TBPL2: variants seen among roughly 807,000 people sequenced by gnomAD.
The protein encoded by TBPL2 is TATA-box binding protein like 2, also known as TATA box-binding protein-like 2.
TBPL2 carries 40 observed loss-of-function variants against 38.2 expected under a neutral mutation model. The observed-to-expected ratio is 1.05, with a 90% CI of 0.81 to 1.36. TBPL2 has a LOEUF of 1.36. Ranked by LOEUF, TBPL2 falls within the 40% of genes most tolerant of loss-of-function variation. TBPL2 has a pLI of 0.00. For missense variants in TBPL2, 461 were observed against 456.7 expected (o/e 1.01, Z -0.09); for synonymous variants, 169 against 171.7 (o/e 0.98, Z 0.12).
chr14:55,427,601 A>T (rs1322547017), intron 5 of TBPL2, among the ~76,000 whole-genome samples: 1 of 152,138 alleles, frequency 6.6e-6, no homozygotes, highest in Non-Finnish European at 1.5e-5. Flanking sequence ...AACCCAGGCC[A>T]AGTGCCCTAG....
chr14:55,414,576 T>A, intron 6 of TBPL2, 121 bp from the exon 7 acceptor site: 2 of 656,480 alleles, frequency 3.0e-6, no homozygotes, highest in Non-Finnish European at 4.8e-6. Flanking sequence ...TAGCTGTACC[T>A]GAGAAATGGC....
At chr14:55,428,844 G>C (rs749166761) in exon 5 of TBPL2, 1 of 1,614,106 alleles carries the variant, frequency 6.2e-7, no homozygotes, top group Non-Finnish European at 8.5e-7. Flanking sequence ...AAACCTTCCA[G>C]CCTGATGGGA....
At chr14:55,422,500 C>T (rs1001826625) in intron 6 of TBPL2, among the ~76,000 whole-genome samples, 1 of 152,164 alleles carries the variant, frequency 6.6e-6, no homozygotes, top group Non-Finnish European at 1.5e-5. Context: ...TCGCCTGCCT[C>T]GGCCTCCCGA....
chr14:55,440,058 C>T (rs1219172297), intron 1 of TBPL2, among the ~76,000 whole-genome samples: 1 of 151,988 alleles, frequency 6.6e-6, no homozygotes, highest in Non-Finnish European at 1.5e-5. Context: ...TGAGATCGCG[C>T]CACTGCACTC....
chr14:55,433,467 T>C (rs567470940), intron 4 of TBPL2, among the ~76,000 whole-genome samples, 163 bp downstream of exon 4: 1 of 152,274 alleles, frequency 6.6e-6, no homozygotes, highest in South Asian at 2.1e-4. Flanking sequence ...TCAGTATTTA[T>C]AGGAGTGTTT....
chr14:55,415,338 G>C (rs981016391), intron 6 of TBPL2, among the ~76,000 whole-genome samples: 2 of 152,174 alleles, frequency 1.3e-5, no homozygotes, highest in Admixed American at 6.6e-5. Flanking sequence ...AGACTCTTAA[G>C]AACTATAAAG....
chr14:55,434,138 C>A (rs896704954), intron 3 of TBPL2, among the ~76,000 whole-genome samples: 1 of 152,152 alleles, frequency 6.6e-6, no homozygotes, highest in African/African-American at 2.4e-5. Flanking sequence ...TTTGAAGAAT[C>A]TTTTGGGAAA....
At position 55,414,266 on chromosome 14, in the gene TBPL2, A is replaced by G; in HGVS notation, c.*113T>C. The G allele has an allele frequency of 5.0e-6, 4 of 793,220 alleles. No homozygotes were observed. In the South Asian group the frequency reaches 7.4e-5, roughly 15 times the overall value. 49.1% of individuals were successfully genotyped at this position (793,220 alleles called of 1,614,324 possible). ...GTTACTTACACAGAGTCGCCCTTTA[A>G]TAAGTAACGTACTTGTAACATCTAC... On this transcript the variant is annotated 3_prime_UTR_variant, in exon 7 of 7. Coordinates refer to ENST00000247219, the Ensembl canonical transcript of TBPL2.
At chr14:55,418,587 C>T (rs1014122925) in intron 6 of TBPL2, among the ~76,000 whole-genome samples, 4 of 152,210 alleles carry the variant, frequency 2.6e-5, no homozygotes, top group Non-Finnish European at 5.9e-5. Flanking sequence ...CTCTGGCCCA[C>T]TCACTAACAA....
intron 1 of TBPL2, 120 bp downstream of exon 1, chr14:55,440,276 G>T: frequency 1.6e-6 from 2 of 1,283,930 alleles, no homozygotes; most frequent in South Asian, 1.4e-5. Context: ...TTAATGACTT[G>T]GGAAACCAAG....
At chr14:55,428,121 T>A (rs1386513014) in intron 5 of TBPL2, among the ~76,000 whole-genome samples, 5 of 56,978 alleles carry the variant, frequency 8.8e-5, no homozygotes, top group Admixed American at 3.3e-4. Flanking sequence ...TGCCTTATCT[T>A]TTTTTTTTTT....
At chr14:55,433,134 A>AT (rs960681851) in intron 4 of TBPL2, among the ~76,000 whole-genome samples, 47 of 151,636 alleles carry the variant, frequency 3.1e-4, no homozygotes, top group African/African-American at 1.1e-3. Flanking sequence ...GTATTTTATT[A>AT]TTTTTTTTAA....
intron 5 of TBPL2, 112 bp from the exon 6 acceptor site, chr14:55,424,365 G>C (rs1444388595): frequency 1.1e-5 from 7 of 634,546 alleles, no homozygotes; most frequent in Non-Finnish European, 1.6e-5. Context: ...AAATAAGTTA[G>C]CTATTTTATC....
exon 3 of TBPL2, chr14:55,435,873 C>T (rs766387307): frequency 3.8e-6 from 6 of 1,568,282 alleles, no homozygotes; most frequent in East Asian, 4.7e-5. Context: ...GCATTTTTTG[C>T]ATGCAAAGCT....
At chr14:55,439,217 G>A (rs1343863673) in intron 1 of TBPL2, among the ~76,000 whole-genome samples, 2 of 150,890 alleles carry the variant, frequency 1.3e-5, no homozygotes, top group African/African-American at 4.9e-5. Context: ...GGGATTACAG[G>A]CGTGAGCCAC....
At chr14:55,425,139 T>C (rs541171400) in intron 5 of TBPL2, among the ~76,000 whole-genome samples, 12 of 152,240 alleles carry the variant, frequency 7.9e-5, no homozygotes, top group Non-Finnish European at 1.5e-4. Flanking sequence ...AACCTTTTAC[T>C]GGCTCCAGAA....
intron 6 of TBPL2, among the ~76,000 whole-genome samples, chr14:55,419,984 C>A (rs1199246173): frequency 1.3e-5 from 2 of 152,212 alleles, no homozygotes; most frequent in African/African-American, 4.8e-5. Flanking sequence ...CTTCCCCAAG[C>A]TTCAGTTTAG....
rs118178524 is a variant in TBPL2 at position 55,423,667 on chromosome 14, C to T, written c.1051+492G>A. 1.5e-3 allele frequency among the ~76,000 whole-genome samples: 235 copies of T among 152,282 alleles called. 5 individuals carry two copies. In the East Asian group the frequency reaches 0.042, roughly 27 times the overall value. On this transcript the variant is annotated intron_variant, in intron 6 of 6. Coordinates refer to ENST00000247219, the Ensembl canonical transcript of TBPL2. ...TACATAACACACATAAATTATGTCA[C>T]GATATGAAATTCACATTTCAGAGCC...
chr14:55,426,123 C>T (rs549189675), intron 5 of TBPL2, among the ~76,000 whole-genome samples: 128 of 151,814 alleles, frequency 8.4e-4, no homozygotes, highest in African/African-American at 2.8e-3. Context: ...AAAAATTAGC[C>T]GGGTGTGGTG....
Sources: gnomAD v4.1 joint callset for allele counts (sites outside exome capture counted in the v4.1 genomes callset) on GRCh38, gnomAD v4.1.1 for gene constraint, MANE v1.5 for transcripts, NCBI Gene and HGNC (gene_info 2026-07-23, HGNC 2026-07-21) for gene names.